The following TMEM164 variants were observed in gnomAD, a reference collection of about 807,000 sequenced individuals.
The protein encoded by TMEM164 is transmembrane protein 164.
TMEM164 carries 4 observed loss-of-function variants against 18.8 expected under a neutral mutation model. The ratio of observed to expected loss-of-function variants is 0.21; its 90% CI spans 0.10 to 0.49. The LOEUF is 0.49. Ranked by LOEUF, TMEM164 falls within the 20% of genes least tolerant of loss-of-function variation. The probability of loss-of-function intolerance (pLI) is 0.98; values close to 1 mark genes in which losing one functional copy is unlikely to be tolerated. For missense variants in TMEM164, 108 were observed against 239.9 expected (o/e 0.45, Z 3.63); for synonymous variants, 86 against 101.7 (o/e 0.85, Z 0.93).
intron 2 of TMEM164, chrX:110,064,992 C>T (rs1463004424): frequency 1.5e-4 from 5 of 33,363 alleles, no homozygotes; most frequent in East Asian, 1.5e-3. Context: ...GTGAGACTTT[C>T]TCAAAAAAAA....
intron 3 of TMEM164, among the ~76,000 whole-genome samples, chrX:110,074,124 C>T (rs908623625): frequency 6.3e-5 from 7 of 110,936 alleles, no homozygotes; most frequent in African/African-American, 2.3e-4. Flanking sequence ...GTGAACTGCC[C>T]ACCTCAGCCT....
intron 3 of TMEM164, among the ~76,000 whole-genome samples, chrX:110,088,513 G>T (rs919458291): frequency 8.9e-6 from 1 of 112,076 alleles, no homozygotes; most frequent in Non-Finnish European, 1.9e-5. Flanking sequence ...CAGATTTAAA[G>T]GGGAAAGAGG....
chrX:110,125,777 G>C (rs1250315588), intron 4 of TMEM164, among the ~76,000 whole-genome samples: 1 of 112,500 alleles, frequency 8.9e-6, no homozygotes, highest in Non-Finnish European at 1.9e-5. Flanking sequence ...TCAGCTGAAA[G>C]CTTTTTAATA....
chrX:110,160,035 C>T (rs770554208), intron 5 of TMEM164, among the ~76,000 whole-genome samples: 2 of 111,681 alleles, frequency 1.8e-5, no homozygotes, highest in Non-Finnish European at 3.8e-5. Context: ...GAGGAAAGTG[C>T]CCACACAGCT....
intron 2 of TMEM164, among the ~76,000 whole-genome samples, chrX:110,058,591 C>T (rs760125737): frequency 1.0e-5 from 1 of 99,799 alleles, no homozygotes; most frequent in Non-Finnish European, 2.0e-5. Context: ...GTCCCCTCCC[C>T]TCCCCTCCCC....
intron 4 of TMEM164, among the ~76,000 whole-genome samples, chrX:110,124,172 A>AAGGAAGGCAGGCAGGCAGGC (rs1569339657): frequency 1.2e-5 from 1 of 83,968 alleles, no homozygotes; most frequent in African/African-American, 5.2e-5. Flanking sequence ...GGAAGGAAGG[A>AAGGAAGGCAGGCAGGCAGGC]AGGAAGGCAG....
At chrX:110,149,029 C>A (rs1346706534) in intron 5 of TMEM164, among the ~76,000 whole-genome samples, 1 of 110,744 alleles carries the variant, frequency 9.0e-6, no homozygotes, top group Non-Finnish European at 1.9e-5. Flanking sequence ...TTTGTCTTAT[C>A]CACGTAACCA....
At chrX:110,067,145 CAT>C (rs1936377368) in intron 2 of TMEM164, among the ~76,000 whole-genome samples, 200 bp from the exon 3 acceptor site, 1 of 68,435 alleles carries the variant, frequency 1.5e-5, no homozygotes, top group African/African-American at 7.9e-5. Context: ...CTCCCTTTCT[CAT>C]GTGTGCGCAC....
At chrX:110,025,582 G>A (rs774178822) in intron 2 of TMEM164, among the ~76,000 whole-genome samples, 1 of 112,359 alleles carries the variant, frequency 8.9e-6, no homozygotes, top group South Asian at 3.7e-4. Flanking sequence ...TGAGTGAGAT[G>A]AGGCCACAGT....
At chrX:110,172,608 C>T (rs944461778) in intron 6 of TMEM164, among the ~76,000 whole-genome samples, 2 of 111,590 alleles carry the variant, frequency 1.8e-5, no homozygotes, top group Non-Finnish European at 3.8e-5. Context: ...ACCCAGATTC[C>T]AGAGGCATCA....
intron 4 of TMEM164, among the ~76,000 whole-genome samples, chrX:110,139,998 T>G (rs1229243408): frequency 9.0e-6 from 1 of 110,631 alleles, no homozygotes; most frequent in Non-Finnish European, 1.9e-5. Context: ...TGAGGTAAAA[T>G]GGAGAGGAGA....
intron 2 of TMEM164, among the ~76,000 whole-genome samples, chrX:110,015,461 T>C (rs190864579): frequency 2.7e-5 from 3 of 111,918 alleles, no homozygotes; most frequent in African/African-American, 6.5e-5. Context: ...CTAGGGAAGA[T>C]TGTAACAAAG....
chrX:110,176,107 G>T lies in TMEM164; in HGVS notation c.*2656G>T. The stretch of plus-strand genomic sequence containing the variant: ...GTGTGCCATTTGCCAGCGTGTGGGA[G>T]CTCTGCGCGTGTGTGAGGGTGTTTG... On this transcript the variant is annotated 3_prime_UTR_variant, in exon 7 of 7. Coordinates refer to ENST00000372068, the MANE Select transcript of TMEM164 (RefSeq NM_032227.4). 1 of 756,842 alleles carries T rather than the reference G, an allele frequency of 1.3e-6. No individual in the cohort carries two copies. The highest frequency in any genetic ancestry group is 1.6e-6 in the Non-Finnish European group (1 of 639,756). The allele number at this position is 756,842 out of a possible 1,213,427, so 62.4% of individuals were successfully genotyped here.
intron 4 of TMEM164, among the ~76,000 whole-genome samples, chrX:110,114,584 C>A (rs1476565124): frequency 1.8e-5 from 2 of 112,055 alleles, no homozygotes; most frequent in Non-Finnish European, 3.8e-5. Context: ...AGCTAGTGAT[C>A]TGGCCCTGAA....
intron 3 of TMEM164, among the ~76,000 whole-genome samples, chrX:110,103,310 A>G (rs1047618530): frequency 1.8e-5 from 2 of 112,372 alleles, no homozygotes; most frequent in Non-Finnish European, 3.8e-5. Context: ...TAGGGTGGTC[A>G]GGAGGCAGGA....
intron 2 of TMEM164, among the ~76,000 whole-genome samples, chrX:110,016,093 G>A (rs975773232): frequency 7.1e-5 from 8 of 112,625 alleles, no homozygotes; most frequent in African/African-American, 2.6e-4. Flanking sequence ...GTAGTGTTTG[G>A]CCATATCTCA....
chrX:110,058,545 A>C (rs190290780), intron 2 of TMEM164, among the ~76,000 whole-genome samples: 1 of 106,447 alleles, frequency 9.4e-6, no homozygotes, highest in Admixed American at 1.0e-4. Context: ...CTCCTATTAG[A>C]TACATGATTT....
chrX:110,109,483 A>C, intron 4 of TMEM164, among the ~76,000 whole-genome samples: 1 of 112,091 alleles, frequency 8.9e-6, no homozygotes, highest in East Asian at 2.8e-4. Flanking sequence ...GTGCCACTGC[A>C]CTCCAGCCTG....
At chrX:110,017,230 A>G (rs771384014) in intron 2 of TMEM164, among the ~76,000 whole-genome samples, 1 of 111,908 alleles carries the variant, frequency 8.9e-6, no homozygotes, top group African/African-American at 3.2e-5. Flanking sequence ...TCCCATTTCA[A>G]TATCTCTCTA....
Sources: gnomAD v4.1 joint callset for allele counts (sites outside exome capture counted in the v4.1 genomes callset) on GRCh38, gnomAD v4.1.1 for gene constraint, MANE v1.5 for transcripts, NCBI Gene and HGNC (gene_info 2026-07-23, HGNC 2026-07-21) for gene names.